The following PCDHGB6 variants were observed in gnomAD, a reference collection of about 807,000 sequenced individuals.
PCDHGB6 encodes the protein protocadherin gamma subfamily B, 6.
Under a neutral mutation model 59.1 loss-of-function variants are expected in PCDHGB6, and 51 were observed. The ratio of observed to expected loss-of-function variants is 0.86; its 90% CI spans 0.69 to 1.09. The LOEUF is 1.09. Among genes scored for constraint, PCDHGB6 ranks in the 50% least tolerant of loss-of-function variants. The pLI, the probability that PCDHGB6 is intolerant of heterozygous loss-of-function variation, is 0.00. For synonymous variants in PCDHGB6, 466 were observed against 495.1 expected (o/e 0.94, Z 0.78); for missense variants, 1,148 against 1,205.1 (o/e 0.95, Z 0.70).
At chr5:141,419,576 G>A (rs958064613) in intron 1 of PCDHGB6, 10 of 1,611,766 alleles carry the variant, frequency 6.2e-6, no homozygotes, top group Non-Finnish European at 6.8e-6. Flanking sequence ...CGACGGCTCC[G>A]CGCTCTTCGA....
chr5:141,483,872 T>A (rs1373802168), intron 1 of PCDHGB6, among the ~76,000 whole-genome samples: 1 of 152,080 alleles, frequency 6.6e-6, no homozygotes, highest in African/African-American at 2.4e-5. Context: ...CAGATCAGGA[T>A]GGATTTTTCT....
intron 1 of PCDHGB6, among the ~76,000 whole-genome samples, chr5:141,457,687 G>A (rs2098927754): frequency 6.6e-6 from 1 of 152,198 alleles, no homozygotes; most frequent in Admixed American, 6.5e-5. Context: ...TAGGACTTTT[G>A]GATTGGCTTT....
intron 1 of PCDHGB6, among the ~76,000 whole-genome samples, chr5:141,433,397 A>ATCTC (rs1179042498): frequency 6.6e-6 from 1 of 150,410 alleles, no homozygotes; most frequent in African/African-American, 2.5e-5. Flanking sequence ...CTATCTATCT[A>ATCTC]TCTATCTATT....
rs1561863226 is a variant in PCDHGB6, at chr5:141,432,653, C to T, written c.2418+22033C>T. On this transcript the variant is annotated intron_variant, in intron 1 of 3. Transcript: ENST00000520790. The surrounding 1 kb of genome is among the most constrained non-coding windows in gnomAD (Gnocchi z 6.0). Reference sequence around the variant, plus strand: ...GGGCGAGGTGCGCACGGCGCGAGCCCTGCTGGACAGAGACGCGCTCAAGCA... The same window carrying T: ...GGGCGAGGTGCGCACGGCGCGAGCCTTGCTGGACAGAGACGCGCTCAAGCA... 5 of 1,613,852 alleles carry T rather than the reference C, an allele frequency of 3.1e-6. No individual in the cohort carries two copies. In the South Asian group the frequency reaches 4.4e-5, roughly 14 times the overall value.
At position 141,485,413 on chromosome 5, in the gene PCDHGB6, C is replaced by T; in HGVS notation, c.2419-9394C>T. ...AAAGACACTTCCGTGTGGATTTGGA[C>T]AGCGGAGCCCTGCTCATCAAGAACC... On this transcript the variant is annotated intron_variant, in intron 1 of 3. Transcript: ENST00000520790. The surrounding 1 kb of genome is among the most constrained non-coding windows in gnomAD (Gnocchi z 5.7). The T allele has an allele frequency of 6.2e-7, 1 of 1,614,158 alleles. No individual in the cohort carries two copies. The highest frequency in any genetic ancestry group is 8.5e-7 in the Non-Finnish European group (1 of 1,180,030).
In PCDHGB6 at chr5:141,476,928, T is replaced by C. The variant is rs1279715094; in HGVS notation, c.2419-17879T>C. 6.2e-7 allele frequency: 1 copy of C among 1,614,142 alleles called. No individual in the cohort carries two copies. The highest frequency in any genetic ancestry group is 2.2e-5 in the East Asian group (1 of 44,868). On this transcript the variant is annotated intron_variant, in intron 1 of 3. Transcript: ENST00000520790. This position sits in a 1 kb window ranked among gnomAD's most constrained non-coding sequence, Gnocchi z 7.6. ...GTGGTACAAGTCCTTGCAACGGATC[T>C]GGATGAAGGCCCCAACGGTGAAATT...
chr5:141,457,579 A>G (rs557894260), intron 1 of PCDHGB6, among the ~76,000 whole-genome samples: 123 of 152,346 alleles, frequency 8.1e-4, no homozygotes, highest in Non-Finnish European at 1.4e-3. Flanking sequence ...TTTTCTCTCC[A>G]GTCCTCATTT....
Position 141,487,552 on chromosome 5 carries a change from A to C in PCDHGB6, c.2419-7255A>C. On this transcript the variant is annotated intron_variant, in intron 1 of 3. Coordinates refer to ENST00000520790, the MANE Select transcript of PCDHGB6 (RefSeq NM_018926.3). The surrounding 1 kb of genome is among the most constrained non-coding windows in gnomAD (Gnocchi z 5.0). ...TCATGATGGTGAAGTCACCCAGTGC[A>C]CCTATGGCAGGGGAGCCTGTTCGCC... is the stretch of plus-strand genomic sequence containing the variant. 2 of 1,614,116 alleles carry C rather than the reference A, an allele frequency of 1.2e-6. No homozygotes were observed. The highest frequency in any genetic ancestry group is 1.7e-6 in the Non-Finnish European group (2 of 1,180,024).
At chr5:141,505,259 C>T in intron 2 of PCDHGB6, 134 bp from the exon 3 acceptor site, 2 of 1,500,262 alleles carry the variant, frequency 1.3e-6, no homozygotes, top group Admixed American at 2.0e-5. Flanking sequence ...GTGCCTCCTA[C>T]CTTGCTGAGA....
At chr5:141,452,377 A>G (rs2098740152) in intron 1 of PCDHGB6, among the ~76,000 whole-genome samples, 1 of 152,222 alleles carries the variant, frequency 6.6e-6, no homozygotes, top group African/African-American at 2.4e-5. Flanking sequence ...TTAGTAGGGA[A>G]TAGTATTTAG....
chr5:141,497,210 G>T (rs988856908), intron 2 of PCDHGB6, among the ~76,000 whole-genome samples: 1 of 28,140 alleles, frequency 3.6e-5, no homozygotes, highest in African/African-American at 1.1e-3. Context: ...TGAGTGTAAT[G>T]GGGGGGGGAA....
At chr5:141,417,740 C>A (rs2096156298) in intron 1 of PCDHGB6, 3 of 1,413,210 alleles carry the variant, frequency 2.1e-6, no homozygotes, top group East Asian at 2.5e-5. Flanking sequence ...CCCAGCACAC[C>A]AGATTGCCAG....
At chr5:141,466,275 A>G (rs1163982252) in intron 1 of PCDHGB6, among the ~76,000 whole-genome samples, 1 of 152,112 alleles carries the variant, frequency 6.6e-6, no homozygotes. Context: ...AGCTCAAGCA[A>G]TCTTCCCACC....
At chr5:141,417,702 A>G (rs2096149298) in intron 1 of PCDHGB6, 2 of 1,199,336 alleles carry the variant, frequency 1.7e-6, no homozygotes, top group Non-Finnish European at 1.1e-6. Context: ...CAGCTCCCAC[A>G]CAGAGGCTCC....
intron 1 of PCDHGB6, among the ~76,000 whole-genome samples, chr5:141,483,907 C>T (rs545585133): frequency 6.0e-5 from 9 of 151,124 alleles, no homozygotes; most frequent in Non-Finnish European, 1.0e-4. Flanking sequence ...TGGTGTGTTT[C>T]CCACTCAGAT....
chr5:141,432,209 A>C lies in PCDHGB6; in HGVS notation c.2418+21589A>C, dbSNP rs1473794319. ...CGCCCACGACCCCGACTGTGAAGAGAACGCCCAGATCACTTATTCCCTGGC... is the reference window on the plus strand; with the variant it reads ...CGCCCACGACCCCGACTGTGAAGAGCACGCCCAGATCACTTATTCCCTGGC... On this transcript the variant is annotated intron_variant, in intron 1 of 3. Transcript: ENST00000520790. This position sits in a 1 kb window ranked among gnomAD's most constrained non-coding sequence, Gnocchi z 6.0. 2 of 1,614,098 alleles carry C rather than the reference A, an allele frequency of 1.2e-6. No homozygotes were observed. Among genetic ancestry groups the C allele is most frequent in the Non-Finnish European group, 8.5e-7 (1 of 1,180,032 alleles).
At position 141,490,258 on chromosome 5, in the gene PCDHGB6, G is replaced by A. The variant is rs776865457; in HGVS notation, c.2419-4549G>A. Reference sequence around the variant, plus strand: ...GGGCCACTGTGTGATTCAAGTGGATGTGGGGGATGTCAATGACAATGCCCC... The same window carrying A: ...GGGCCACTGTGTGATTCAAGTGGATATGGGGGATGTCAATGACAATGCCCC... On this transcript the variant is annotated intron_variant, in intron 1 of 3. Transcript: ENST00000520790. The surrounding 1 kb of genome is among the most constrained non-coding windows in gnomAD (Gnocchi z 5.4). 6.2e-7 allele frequency: 1 copy of A among 1,614,136 alleles called. No homozygotes were observed.
At chr5:141,438,159 T>TA (rs974013542) in intron 1 of PCDHGB6, among the ~76,000 whole-genome samples, 44 of 152,258 alleles carry the variant, frequency 2.9e-4, no homozygotes, top group African/African-American at 9.9e-4. Context: ...ATGGCAAAGC[T>TA]AATTGGAAAA....
chr5:141,419,368 C>T, intron 1 of PCDHGB6: 1 of 1,613,776 alleles, frequency 6.2e-7, no homozygotes, highest in Non-Finnish European at 8.5e-7. Context: ...CGCTGTCGTC[C>T]TACGTGTCCG....
Sources: allele counts gnomAD v4.1 joint callset (sites outside exome capture counted in the v4.1 genomes callset), GRCh38; gene constraint gnomAD v4.1.1; non-coding constraint Gnocchi (gnomAD v3.1); transcripts MANE v1.5; gene names NCBI Gene and HGNC (gene_info 2026-07-23, HGNC 2026-07-21).